The following AP2A2 variants were observed in gnomAD, a reference collection of about 807,000 sequenced individuals.
AP2A2 encodes the protein AP-2 complex subunit alpha-2.
In AP2A2, 32 loss-of-function variants were observed where a neutral mutation model predicts 104.2. The observed-to-expected ratio is 0.31, with a 90% CI of 0.23 to 0.41. The LOEUF (loss-of-function observed/expected upper bound fraction) is 0.41. Among genes scored for constraint, AP2A2 ranks in the 10% least tolerant of loss-of-function variants. The pLI is 1.00. For synonymous variants in AP2A2, 539 were observed against 533.3 expected, an observed-to-expected ratio of 1.01 and a Z score of -0.15; for missense variants, 912 against 1,261.0, an observed-to-expected ratio of 0.72 and a Z score of 4.19.
intron 21 of AP2A2, 52 bp from the exon 22 acceptor site, chr11:1,010,496 G>C (rs930361065): frequency 6.8e-7 from 1 of 1,464,490 alleles, no homozygotes; most frequent in Admixed American, 2.0e-5. Context: ...CTGGACCCGA[G>C]GGCTGTGTGA....
intron 9 of AP2A2, 40 bp downstream of exon 9, chr11:986,993 A>G: frequency 1.3e-6 from 2 of 1,541,608 alleles, no homozygotes; most frequent in Non-Finnish European, 1.8e-6. Context: ...CTCCCTGAGC[A>G]GGTGCCGTGG....
rs751000116 is a variant in AP2A2 at position 926,003 on chromosome 11, C to A, written c.-19C>A. On this transcript the variant is annotated 5_prime_UTR_variant, in exon 1 of 22. Transcript: ENST00000448903. ...TCCGCCCGGGTCCGCCAGCCGAGGC[C>A]GCTCCCGAGCGTCGGAAGATGCCGG... is the stretch of plus-strand genomic sequence containing the variant. The A allele has an allele frequency of 8.6e-6, 12 of 1,400,760 alleles. No homozygotes were observed. Among genetic ancestry groups the A allele is most frequent in the South Asian group, 1.5e-5 (1 of 67,304 alleles). 86.8% of individuals were successfully genotyped at this position (1,400,760 alleles called of 1,614,324 possible).
rs755184757 is a variant in AP2A2, at chr11:1,008,052, G to C, written c.2337G>C (p.Glu779Asp). 6.3e-7 allele frequency: 1 copy of C among 1,578,124 alleles called. No homozygotes were observed. The highest frequency in any genetic ancestry group is 8.6e-7 in the Non-Finnish European group (1 of 1,162,762). ...LQTKPVDPTV[E>D]GGAQVQQVVN... ...CCAAGCCCGTGGACCCGACCGTGGA[G>C]GGGGGCGCGCAGGTGCAGCAGGTGG... Residue 779 changes from glutamate (E) to aspartate (D), a missense_variant, in exon 18 of 22, where the codon GAG becomes GAC. Physicochemically the swap from Glu to Asp is conservative, Grantham distance 45. Coordinates refer to ENST00000448903, the MANE Select transcript of AP2A2 (RefSeq NM_012305.4).
rs1393571907 is a variant in AP2A2, at chr11:941,552, G to A, written c.67+15464G>A. Among the ~76,000 whole-genome samples the A allele has an allele frequency of 4.6e-5, 7 of 151,410 alleles. 1 individual carries two copies. The South Asian group carries it at 6.2e-4, about 13-fold the overall frequency. ...TTGTCTCAGCCTCCCAAAGTGCTGG[G>A]GTTACAGGCATGAGCCACTGTGGCT... On this transcript the variant is annotated intron_variant, in intron 1 of 21. Coordinates refer to ENST00000448903, the MANE Select transcript of AP2A2 (RefSeq NM_012305.4).
intron 18 of AP2A2, 89 bp downstream of exon 18, chr11:1,008,224 C>A: frequency 6.8e-7 from 1 of 1,463,758 alleles, no homozygotes. Context: ...CCGTGTCCTT[C>A]CTGAGGGGAC....
At position 993,940 on chromosome 11, in the gene AP2A2, T is replaced by G. The variant is rs759181627; in HGVS notation, c.1737T>G (p.Ala579=). 1 of 1,612,584 alleles carries G rather than the reference T, an allele frequency of 6.2e-7. No homozygotes were observed. The highest frequency in any genetic ancestry group is 1.7e-5 in the Admixed American group (1 of 59,998). ...RNADVELQQR[A]VEYLRLSTVA... ...CAGACGTGGAGCTGCAGCAGCGTGC[T>G]GTGGAGTACCTGCGGCTCAGCACCG... The change falls in exon 13 of 22, where the codon GCT becomes GCG. Residue 579 remains alanine, a synonymous_variant. Coordinates refer to ENST00000448903, the MANE Select transcript of AP2A2 (RefSeq NM_012305.4). This position sits in a 1 kb window ranked among gnomAD's most constrained non-coding sequence, Gnocchi z 8.2.
chr11:946,441 T>C (rs1007677292), intron 1 of AP2A2: 1 of 152,078 alleles, frequency 6.6e-6, no homozygotes, highest in African/African-American at 2.4e-5. Context: ...AGACTGTCAG[T>C]TGAGAATTCT....
At chr11:1,004,160 C>A (rs1337237461) in intron 16 of AP2A2, among the ~76,000 whole-genome samples, 5 of 152,170 alleles carry the variant, frequency 3.3e-5, no homozygotes, top group Non-Finnish European at 7.3e-5. Flanking sequence ...CCACCTCACC[C>A]CTCCAGGATG....
intron 6 of AP2A2, among the ~76,000 whole-genome samples, chr11:982,650 A>C (rs530059538): frequency 1.3e-5 from 2 of 151,008 alleles, no homozygotes; most frequent in African/African-American, 4.9e-5. Context: ...CTTTGTGGGA[A>C]ACTTTTTTTT....
chr11:938,947 A>G (rs1853555700), intron 1 of AP2A2, among the ~76,000 whole-genome samples: 1 of 152,160 alleles, frequency 6.6e-6, no homozygotes, highest in South Asian at 2.1e-4. Flanking sequence ...TTAAAAGATT[A>G]AAAAAGTTAA....
chr11:936,018 C>T (rs1369343678), intron 1 of AP2A2, among the ~76,000 whole-genome samples: 2 of 151,440 alleles, frequency 1.3e-5, no homozygotes, highest in East Asian at 3.9e-4. Context: ...TCTTCTGCCT[C>T]AGCCTCCCGA....
At chr11:982,781 G>T (rs1855294116) in intron 6 of AP2A2, among the ~76,000 whole-genome samples, 1 of 151,564 alleles carries the variant, frequency 6.6e-6, no homozygotes, top group East Asian at 1.9e-4. Flanking sequence ...CTCCCGAGTA[G>T]CTGGGATTAA....
chr11:962,407 G>GT (rs1336458219), intron 2 of AP2A2, among the ~76,000 whole-genome samples: 2 of 152,220 alleles, frequency 1.3e-5, no homozygotes, highest in South Asian at 2.1e-4. Context: ...GTGTTGAGGT[G>GT]TAACTTCAAA....
intron 16 of AP2A2, among the ~76,000 whole-genome samples, chr11:1,005,175 A>G (rs1305819005): frequency 6.6e-6 from 1 of 152,272 alleles, no homozygotes; most frequent in East Asian, 1.9e-4. Flanking sequence ...GAAAGGAATG[A>G]AATTCTGATG....
chr11:967,649 C>T (rs1170430473), intron 2 of AP2A2, among the ~76,000 whole-genome samples: 1 of 152,120 alleles, frequency 6.6e-6, no homozygotes, highest in African/African-American at 2.4e-5. Flanking sequence ...CGTGAGCCAC[C>T]ATGCGCGGCC....
At chr11:961,411 T>C (rs28647253) in intron 2 of AP2A2, among the ~76,000 whole-genome samples, 45 of 67,474 alleles carry the variant, frequency 6.7e-4, no homozygotes, top group African/African-American at 8.4e-4. Context: ...TCGCCACCAC[T>C]AGTGAAAAGT....
At chr11:975,793 C>A (rs898079806) in intron 4 of AP2A2, among the ~76,000 whole-genome samples, 2 of 151,820 alleles carry the variant, frequency 1.3e-5, no homozygotes, top group African/African-American at 4.8e-5. Flanking sequence ...TCCTCTGTCT[C>A]CCTTGTGTGA....
At chr11:971,298 C>T (rs1333585629) in intron 3 of AP2A2, among the ~76,000 whole-genome samples, 4 of 150,406 alleles carry the variant, frequency 2.7e-5, no homozygotes, top group Admixed American at 6.6e-5. Flanking sequence ...GGGAAGTTAA[C>T]TGGGGGCTGA....
chr11:972,877 C>A (rs1039527516), intron 4 of AP2A2, among the ~76,000 whole-genome samples: 1 of 152,278 alleles, frequency 6.6e-6, no homozygotes, highest in Non-Finnish European at 1.5e-5. Flanking sequence ...TCCTCGTGCC[C>A]GTTCCCCAGG....
Sources: allele counts gnomAD v4.1 joint callset (sites outside exome capture counted in the v4.1 genomes callset), GRCh38; gene constraint gnomAD v4.1.1; non-coding constraint Gnocchi (gnomAD v3.1); transcripts MANE v1.5; gene names NCBI Gene and HGNC (gene_info 2026-07-23, HGNC 2026-07-21).